The following SLC4A8 variants were observed in gnomAD, a reference collection of about 807,000 sequenced individuals.
SLC4A8 encodes solute carrier family 4 member 8.
In SLC4A8, 40 loss-of-function variants were observed where a neutral mutation model predicts 125.0. That is an observed-to-expected ratio of 0.32 (90% CI 0.25 to 0.42). SLC4A8 has a LOEUF of 0.42. SLC4A8 is among the 10% of genes least tolerant of loss of function. The probability of loss-of-function intolerance (pLI) is 1.00; values close to 1 mark genes in which losing one functional copy is unlikely to be tolerated. For synonymous variants in SLC4A8, 456 were observed against 476.0 expected (o/e 0.96, Z 0.55); for missense variants, 863 against 1,355.1 (o/e 0.64, Z 5.70).
chr12:51,406,902 G>A (rs1345354428), intron 1 of SLC4A8, among the ~76,000 whole-genome samples: 1 of 152,242 alleles, frequency 6.6e-6, no homozygotes, highest in Non-Finnish European at 1.5e-5. Context: ...CAGAAGCCGG[G>A]CAACGTTTGA....
intron 16 of SLC4A8, among the ~76,000 whole-genome samples, chr12:51,484,367 A>G (rs1407540185): frequency 2.0e-5 from 3 of 152,194 alleles, no homozygotes; most frequent in African/African-American, 4.8e-5. Context: ...TAGGAAGGAA[A>G]AACACATGAA....
At chr12:51,457,834 C>A (rs953523482) in intron 6 of SLC4A8, among the ~76,000 whole-genome samples, 5 of 152,074 alleles carry the variant, frequency 3.3e-5, no homozygotes, top group African/African-American at 1.2e-4. Context: ...CAATTTGAGA[C>A]CCGAGAAGGT....
At chr12:51,503,438 C>G (rs1040488849) in intron 22 of SLC4A8, among the ~76,000 whole-genome samples, 4 of 151,888 alleles carry the variant, frequency 2.6e-5, no homozygotes, top group African/African-American at 9.7e-5. Flanking sequence ...GTCTCGATCT[C>G]CTGACTTCAT....
At chr12:51,451,059 C>G (rs1384661943) in intron 3 of SLC4A8, 37 bp downstream of exon 3, 15 of 1,417,624 alleles carry the variant, frequency 1.1e-5, no homozygotes, top group African/African-American at 1.0e-4. Context: ...TGTCCATGGC[C>G]CAGGGGAATG....
chr12:51,446,585 G>A (rs1023945882), intron 2 of SLC4A8, among the ~76,000 whole-genome samples: 2 of 152,214 alleles, frequency 1.3e-5, no homozygotes, highest in African/African-American at 4.8e-5. Flanking sequence ...TTCCCACCAA[G>A]TCTCCTTCTC....
rs9409 is a variant in SLC4A8, at chr12:51,515,348, G to C, written c.*7910G>C. The stretch of plus-strand genomic sequence containing the variant: ...TCTGTCTGATTGGTTAGATTTGGCT[G>C]CCCTTCCAAGCTAATGGTGTCAGGT... On this transcript the variant is annotated 3_prime_UTR_variant, in exon 25 of 25. Transcript: ENST00000453097. 0.38 allele frequency: 57,088 copies of C among 151,988 alleles called. 11,037 individuals carry two copies. The highest frequency in any genetic ancestry group is 0.45 in the East Asian group (2,317 of 5,152). 9.4% of individuals were successfully genotyped at this position (151,988 alleles called of 1,614,324 possible). A position where few individuals can be genotyped will look rare whatever the true frequency, so the allele number is the denominator to read the frequency against.
At chr12:51,433,859 T>C (rs1267281585) in intron 1 of SLC4A8, among the ~76,000 whole-genome samples, 1 of 61,558 alleles carries the variant, frequency 1.6e-5, no homozygotes, top group Non-Finnish European at 3.4e-5. Flanking sequence ...CTGTTTTTTT[T>C]TTTTTTTTTT....
upstream of SLC4A8, among the ~76,000 whole-genome samples, chr12:51,421,071 C>T (rs1439947515): frequency 6.6e-6 from 1 of 152,094 alleles, no homozygotes; most frequent in Non-Finnish European, 1.5e-5. Context: ...ATGTATTTTC[C>T]ATTTTCTTGT....
At chr12:51,440,595 G>A in intron 1 of SLC4A8, 113 bp from the exon 2 acceptor site, 1 of 720,364 alleles carries the variant, frequency 1.4e-6, no homozygotes, top group Non-Finnish European at 2.3e-6. Context: ...AAAAATACAG[G>A]TAAACAATTG....
intron 8 of SLC4A8, among the ~76,000 whole-genome samples, chr12:51,460,633 A>G (rs1369149325): frequency 6.6e-6 from 1 of 152,232 alleles, no homozygotes; most frequent in Non-Finnish European, 1.5e-5. Flanking sequence ...GTCTCTGAAT[A>G]AAGGTATTTG....
intron 24 of SLC4A8, among the ~76,000 whole-genome samples, chr12:51,506,884 T>C (rs373358394): frequency 3.2e-4 from 49 of 152,288 alleles, no homozygotes; most frequent in African/African-American, 1.1e-3. Flanking sequence ...CTTGAATAAT[T>C]TAGTCCAAAT....
intron 2 of SLC4A8, 162 bp downstream of exon 2, chr12:51,440,951 G>A: frequency 1.1e-6 from 1 of 944,300 alleles, no homozygotes; most frequent in Non-Finnish European, 1.5e-6. Flanking sequence ...ATAAAAGTGG[G>A]GATACTAATA....
rs776617581 is a variant in SLC4A8, at chr12:51,471,510, C to G, written c.1882C>G (p.Leu628Val). Residue 628 changes from leucine to valine, a missense_variant, in exon 14 of 25, where the codon CTG becomes GTG. This residue lies in a region of SLC4A8 where 76 missense variants were observed against 80.2 expected (regional missense o/e 0.95). Transcript: ENST00000453097. The stretch of plus-strand genomic sequence containing the variant: ...CTACCCCATCCACATGCACAGCCAG[C>G]TGGACCACCTTAGCCTCTATTAGTA... ...ETYPIHMHSQLDHLSLYYCRC... is the reference protein window; with the variant it reads ...ETYPIHMHSQVDHLSLYYCRC... 21 of 1,614,070 alleles carry G rather than the reference C, an allele frequency of 1.3e-5. No individual in the cohort carries two copies. In the South Asian group the frequency reaches 2.1e-4, roughly 16 times the overall value.
intron 1 of SLC4A8, among the ~76,000 whole-genome samples, chr12:51,395,938 C>T (rs926661944): frequency 6.6e-6 from 1 of 152,198 alleles, no homozygotes; most frequent in African/African-American, 2.4e-5. Flanking sequence ...ACATTTACTC[C>T]TCATCTCATT....
intron 24 of SLC4A8, among the ~76,000 whole-genome samples, chr12:51,506,809 A>G (rs1938192986): frequency 6.6e-6 from 1 of 152,252 alleles, no homozygotes. Flanking sequence ...AATCAGGTTA[A>G]TGAAGAAAAT....
chr12:51,489,552 G>T, intron 18 of SLC4A8, 148 bp from the exon 19 acceptor site: 1 of 879,146 alleles, frequency 1.1e-6, no homozygotes, highest in Non-Finnish European at 1.7e-6. Context: ...TAACCAGGAG[G>T]GGCTACAAGA....
intron 1 of SLC4A8, among the ~76,000 whole-genome samples, chr12:51,435,011 A>C (rs1461653211): frequency 6.6e-6 from 1 of 152,094 alleles, no homozygotes; most frequent in South Asian, 2.1e-4. Context: ...TCCTCCTAGA[A>C]CTTTTGAGGG....
At chr12:51,439,310 C>A (rs182265090) in intron 1 of SLC4A8, among the ~76,000 whole-genome samples, 69 of 152,268 alleles carry the variant, frequency 4.5e-4, no homozygotes, top group African/African-American at 1.5e-3. Context: ...CCTGCCTTGG[C>A]CTCCCAAAGT....
chr12:51,443,306 A>G (rs1949658897), intron 2 of SLC4A8, among the ~76,000 whole-genome samples: 2 of 152,106 alleles, frequency 1.3e-5, no homozygotes, highest in Non-Finnish European at 2.9e-5. Context: ...CCATTTTAAG[A>G]ACTATTTCTG....
Sources: allele counts gnomAD v4.1 joint callset (sites outside exome capture counted in the v4.1 genomes callset), GRCh38; gene constraint gnomAD v4.1.1; regional missense constraint gnomAD v4.1.1; transcripts MANE v1.5; gene names NCBI Gene and HGNC (gene_info 2026-07-23, HGNC 2026-07-21).